The following ZNF616 variants were observed in gnomAD, a reference collection of about 807,000 sequenced individuals.
ZNF616 encodes the protein zinc finger protein 616.
Under a neutral mutation model 7.6 loss-of-function variants are expected in ZNF616, and 5 were observed. The observed-to-expected ratio is 0.66, with a 90% CI of 0.34 to 1.38. The LOEUF is 1.38. ZNF616 is among the 40% of genes most tolerant of loss of function. The pLI is 0.04. For missense variants in ZNF616, 913 were observed against 948.3 expected (o/e 0.96, Z 0.49); for synonymous variants, 319 against 317.2 (o/e 1.01, Z -0.06).
chr19:52,114,778 A>G lies in ZNF616; in HGVS notation c.*40T>C. The G allele has an allele frequency of 6.5e-7, 1 of 1,528,904 alleles. No homozygotes were observed. Among genetic ancestry groups the G allele is most frequent in the South Asian group, 1.3e-5 (1 of 75,296 alleles). 94.7% of individuals were successfully genotyped at this position (1,528,904 alleles called of 1,614,324 possible). On this transcript the variant is annotated 3_prime_UTR_variant, in exon 4 of 4. Transcript: ENST00000600228. ...GGTAAATATACAAGGTATATCAGTAAGTAGGAATTATTCGGTGATTCCAGA... is the reference window on the plus strand; with the variant it reads ...GGTAAATATACAAGGTATATCAGTAGGTAGGAATTATTCGGTGATTCCAGA...
At position 52,116,232 on chromosome 19, in the gene ZNF616, T is replaced by C; in HGVS notation, c.932A>G (p.His311Arg). 6.2e-7 allele frequency: 1 copy of C among 1,614,178 alleles called. No individual in the cohort carries two copies. The change falls in exon 4 of 4, where the codon CAT (histidine) becomes CGT (arginine). Residue 311 changes from histidine (H) to arginine (R), a missense_variant. Transcript: ENST00000600228. Reference sequence around the variant, plus strand: ...ATGAACTGTCTGATGAAGTCTAAGATGGACACGCTGACTAAAGGATTTCCC... The same window carrying C: ...ATGAACTGTCTGATGAAGTCTAAGACGGACACGCTGACTAAAGGATTTCCC... ...LCGKSFSQRV[H>R]LRLHQTVHTG...
intron 2 of ZNF616, among the ~76,000 whole-genome samples, chr19:52,130,107 A>C (rs190562626): frequency 1.6e-3 from 241 of 152,266 alleles, no homozygotes; most frequent in African/African-American, 5.3e-3. Flanking sequence ...TATGCACATT[A>C]ATATGTGACT....
Position 52,130,235 on chromosome 19 carries a change from C to T in ZNF616, c.12+266G>A, listed in dbSNP as rs923226183. On this transcript the variant is annotated intron_variant, in intron 2 of 3. Transcript: ENST00000600228. ...ATACCACGGGACCCTCACCCCATCTCCATCCATGTCTGGGTGTGAGCCCTT... is the reference window on the plus strand; with the variant it reads ...ATACCACGGGACCCTCACCCCATCTTCATCCATGTCTGGGTGTGAGCCCTT... 3.3e-5 allele frequency among the ~76,000 whole-genome samples: 5 copies of T among 152,308 alleles called. No individual in the cohort carries two copies. In the South Asian group the frequency reaches 1.0e-3, roughly 32 times the overall value.
intron 2 of ZNF616, among the ~76,000 whole-genome samples, chr19:52,128,022 A>T (rs995104299): frequency 9.2e-5 from 14 of 152,092 alleles, no homozygotes; most frequent in Non-Finnish European, 1.3e-4. Flanking sequence ...AGTGACAGGG[A>T]AAAGAAACCC....
chr19:52,130,683 G>A (rs931833284), intron 1 of ZNF616, 95 bp from the exon 2 acceptor site: 4 of 855,594 alleles, frequency 4.7e-6, no homozygotes, highest in African/African-American at 3.4e-5. Flanking sequence ...AGCCTGTGGA[G>A]AGACAGCCCA....
chr19:52,113,661 GTA>G lies in ZNF616; in HGVS notation c.*1155_*1156del, dbSNP rs1416592560. 2.6e-5 allele frequency: 4 copies of G among 152,114 alleles called. No individual in the cohort carries two copies. The highest frequency in any genetic ancestry group is 7.2e-5 in the African/African-American group (3 of 41,422). 9.4% of individuals were successfully genotyped at this position (152,114 alleles called of 1,614,324 possible). A position where few individuals can be genotyped will look rare whatever the true frequency, so the allele number is the denominator to read the frequency against. ...CAGTGTGTGTTGCTCCCCTCCCTGG[GTA>G]TATGTGTTCTCATTGTTCAGCTTCC... On this transcript the variant is annotated 3_prime_UTR_variant, in exon 4 of 4. Transcript: ENST00000600228.
At chr19:52,135,433 A>G (rs2088999136) in intron 1 of ZNF616, among the ~76,000 whole-genome samples, 1 of 152,188 alleles carries the variant, frequency 6.6e-6, no homozygotes, top group Non-Finnish European at 1.5e-5. Flanking sequence ...AACTCTCCAT[A>G]TTGACATTTA....
chr19:52,130,566 A>G lies in ZNF616; in HGVS notation c.-54T>C, dbSNP rs2088949540. On this transcript the variant is annotated 5_prime_UTR_variant, in exon 2 of 4. Transcript: ENST00000600228. The stretch of plus-strand genomic sequence containing the variant: ...CTCTTCTGGGTTTCTTTCTCAGTCA[A>G]TGTAATTATTCACACATCAAACCTG... The G allele has an allele frequency of 3.2e-6, 5 of 1,585,772 alleles. No individual in the cohort carries two copies. Among genetic ancestry groups the G allele is most frequent in the South Asian group, 1.2e-5 (1 of 86,728 alleles).
chr19:52,135,346 C>T (rs999533489), intron 1 of ZNF616, among the ~76,000 whole-genome samples: 1 of 152,202 alleles, frequency 6.6e-6, no homozygotes, highest in African/African-American at 2.4e-5. Flanking sequence ...CACCCTTGAA[C>T]ACTGGCACCA....
In ZNF616 at chr19:52,116,452, C is replaced by T. The variant is rs2088824869; in HGVS notation, c.712G>A (p.Gly238Arg). The T allele has an allele frequency of 6.2e-7, 1 of 1,613,858 alleles. No homozygotes were observed. The change falls in exon 4 of 4, where the codon GGG becomes AGG. Residue 238 changes from glycine to arginine, a missense_variant. Physicochemically the swap from Gly to Arg is moderately radical, Grantham distance 125. Transcript: ENST00000600228. ...CATACATCACATTGATATGATTTCCCTCTTGTATGGACTACCTTGTGTACA... is the reference window on the plus strand; with the variant it reads ...CATACATCACATTGATATGATTTCCTTCTTGTATGGACTACCTTGTGTACA... ...LTVHKVVHTR[G>R]KSYQCDVCGK...
chr19:52,133,224 T>C lies in ZNF616; in HGVS notation c.-76-2636A>G, dbSNP rs148741031. 1.9e-3 allele frequency among the ~76,000 whole-genome samples: 285 copies of C among 152,086 alleles called. 1 individual carries two copies. The highest frequency in any genetic ancestry group is 4.5e-3 in the Admixed American group (69 of 15,272). ...AGAGGGGTACTCATACGGGCAGAAA[T>C]GTAGTTAGTAGTATGTTTTGTTTCA... On this transcript the variant is annotated intron_variant, in intron 1 of 3. Coordinates refer to ENST00000600228, the MANE Select transcript of ZNF616 (RefSeq NM_178523.5).
At position 52,114,443 on chromosome 19, in the gene ZNF616, G is replaced by C. The variant is rs1444306560; in HGVS notation, c.*375C>G. ...GTTTAATTGGCTCATATTTCTGAAG[G>C]CTTAAATGAAAACATGGTGCTGGCA... On this transcript the variant is annotated 3_prime_UTR_variant, in exon 4 of 4. Coordinates refer to ENST00000600228, the MANE Select transcript of ZNF616 (RefSeq NM_178523.5). 5.6e-6 allele frequency: 1 copy of C among 178,966 alleles called. No homozygotes were observed. Among genetic ancestry groups the C allele is most frequent in the Non-Finnish European group, 1.2e-5 (1 of 86,040 alleles). The allele number at this position is 178,966 out of a possible 1,614,324, so 11.1% of individuals were successfully genotyped here.
intron 1 of ZNF616, among the ~76,000 whole-genome samples, chr19:52,135,506 A>G (rs1163035962): frequency 6.6e-6 from 1 of 152,096 alleles, no homozygotes; most frequent in Non-Finnish European, 1.5e-5. Flanking sequence ...AAAATAACAA[A>G]TGTAGCCCCC....
chr19:52,128,199 A>AC (rs929874341), intron 2 of ZNF616, among the ~76,000 whole-genome samples: 1 of 152,008 alleles, frequency 6.6e-6, no homozygotes, highest in African/African-American at 2.4e-5. Context: ...AAAAAAAAAA[A>AC]AAAAACTTAC....
At chr19:52,117,304 C>G (rs2088834245) in intron 3 of ZNF616, among the ~76,000 whole-genome samples, 1 of 152,090 alleles carries the variant, frequency 6.6e-6, no homozygotes, top group Non-Finnish European at 1.5e-5. Context: ...GGCACTAAAA[C>G]AAGTATTTTG....
rs1339090922 is a variant in ZNF616, at chr19:52,139,912, T to C, written c.-257A>G. 3 of 152,176 alleles carry C rather than the reference T, an allele frequency of 2.0e-5. No individual in the cohort carries two copies. The East Asian group carries it at 5.8e-4, about 29-fold the overall frequency. The allele number at this position is 152,176 out of a possible 1,614,324, so 9.4% of individuals were successfully genotyped here. The stretch of plus-strand genomic sequence containing the variant: ...AACACACACACAGCGATAAGGCCTT[T>C]CCCTGGCGCAATCTGCTTCCGGGAG... On this transcript the variant is annotated 5_prime_UTR_variant, in exon 1 of 4. Transcript: ENST00000600228. The surrounding 1 kb of genome is among the most constrained non-coding windows in gnomAD (Gnocchi z 4.1).
At chr19:52,124,308 CT>C (rs2088888416) in intron 2 of ZNF616, among the ~76,000 whole-genome samples, 2 of 152,302 alleles carry the variant, frequency 1.3e-5, no homozygotes, top group East Asian at 3.9e-4. Flanking sequence ...ATGGTTATCC[CT>C]TAAAAAGTGT....
At position 52,116,203 on chromosome 19, in the gene ZNF616, C is replaced by T. The variant is rs1568558298; in HGVS notation, c.961G>A (p.Gly321Arg). Residue 321 changes from glycine to arginine, a missense_variant, in exon 4 of 4, where the codon GGA becomes AGA. Gly to Arg is a moderately radical substitution (Grantham distance 125). Coordinates refer to ENST00000600228, the MANE Select transcript of ZNF616 (RefSeq NM_178523.5). Reference sequence around the variant, plus strand: ...TCATTACATTTGAAGGGTCTCTCTCCAGTATGAACTGTCTGATGAAGTCTA... The same window carrying T: ...TCATTACATTTGAAGGGTCTCTCTCTAGTATGAACTGTCTGATGAAGTCTA... Reference protein sequence around the residue: ...HLRLHQTVHTGERPFKCNECG... With the variant: ...HLRLHQTVHTRERPFKCNECG... The T allele has an allele frequency of 1.2e-6, 2 of 1,613,804 alleles. No individual in the cohort carries two copies. Among genetic ancestry groups the T allele is most frequent in the Middle Eastern group, 1.7e-4 (1 of 6,050 alleles).
rs767909602 is a variant in ZNF616 at position 52,116,177 on chromosome 19, C to T, written c.987G>A (p.Glu329=). 6.2e-6 allele frequency: 10 copies of T among 1,614,144 alleles called. No individual in the cohort carries two copies. Among genetic ancestry groups the T allele is most frequent in the Admixed American group, 1.7e-5 (1 of 60,016 alleles). The change falls in exon 4 of 4, where the codon GAG becomes GAA. Residue 329 remains glutamate (E), a synonymous_variant. Transcript: ENST00000600228. ...HTGERPFKCN[E]CGKTFKRSSN... ...AGCTCCGTTTAAAGGTTTTGCCACA[C>T]TCATTACATTTGAAGGGTCTCTCTC...
Sources: allele counts gnomAD v4.1 joint callset (sites outside exome capture counted in the v4.1 genomes callset), GRCh38; gene constraint gnomAD v4.1.1; non-coding constraint Gnocchi (gnomAD v3.1); transcripts MANE v1.5; gene names NCBI Gene and HGNC (gene_info 2026-07-23, HGNC 2026-07-21).